PHKA1: variants seen among roughly 807,000 people sequenced by gnomAD.
The protein encoded by PHKA1 is phosphorylase kinase regulatory subunit alpha 1.
PHKA1 carries 60 observed loss-of-function variants against 110.2 expected under a neutral mutation model. The observed-to-expected ratio is 0.54, with a 90% CI of 0.44 to 0.68. The LOEUF (loss-of-function observed/expected upper bound fraction) is 0.68. PHKA1 is among the 30% of genes least tolerant of loss of function. The probability of loss-of-function intolerance (pLI) is 0.00; values close to 1 mark genes in which losing one functional copy is unlikely to be tolerated. For missense variants in PHKA1, 801 were observed against 942.5 expected, an observed-to-expected ratio of 0.85 and a Z score of 1.97; for synonymous variants, 316 against 333.6, an observed-to-expected ratio of 0.95 and a Z score of 0.58.
At chrX:72,685,895 CA>C (rs1365079902) in intron 4 of PHKA1, among the ~76,000 whole-genome samples, 2 of 111,671 alleles carry the variant, frequency 1.8e-5, no homozygotes, top group Non-Finnish European at 3.8e-5. Flanking sequence ...GCATTTGTCA[CA>C]AAAACAGATG....
chrX:72,675,793 T>C (rs1400303645), intron 6 of PHKA1, among the ~76,000 whole-genome samples: 1 of 110,307 alleles, frequency 9.1e-6, no homozygotes, highest in East Asian at 2.8e-4. Context: ...GTTTTTGTAA[T>C]GGTAGAGATG....
chrX:72,650,141 C>T (rs1396272535), intron 13 of PHKA1, among the ~76,000 whole-genome samples: 2 of 111,317 alleles, frequency 1.8e-5, no homozygotes, highest in African/African-American at 6.5e-5. Flanking sequence ...AAATAATTTC[C>T]AGATATAAGG....
chrX:72,614,370 T>A (rs1603255870), intron 21 of PHKA1, among the ~76,000 whole-genome samples: 1 of 111,744 alleles, frequency 8.9e-6, no homozygotes, highest in Non-Finnish European at 1.9e-5. Flanking sequence ...TATTGTACTA[T>A]CCTCACAACT....
At chrX:72,630,999 GTTTTTTTTTTTTT>G (rs146161152) in intron 16 of PHKA1, among the ~76,000 whole-genome samples, 2 of 44,670 alleles carry the variant, frequency 4.5e-5, no homozygotes, top group African/African-American at 2.0e-4. Context: ...ATTTTTTCAG[GTTTTTTTTTTTTT>G]TTTTTTTTTT....
At chrX:72,638,046 AGT>A (rs1393264430) in intron 14 of PHKA1, among the ~76,000 whole-genome samples, 2 of 111,650 alleles carry the variant, frequency 1.8e-5, no homozygotes, top group Non-Finnish European at 3.8e-5. Flanking sequence ...GTTCATTTTT[AGT>A]GTATAAAAAT....
At position 72,605,330 on chromosome X, in the gene PHKA1, C is replaced by T. The variant is rs1349683999; in HGVS notation, c.2756G>A (p.Arg919Gln). 1.7e-6 allele frequency: 2 copies of T among 1,204,974 alleles called. No homozygotes were observed. Among genetic ancestry groups the T allele is most frequent in the Non-Finnish European group, 2.2e-6 (2 of 889,621 alleles). The change falls in exon 25 of 32, where the codon CGA (arginine) becomes CAA (glutamine). Residue 919 changes from arginine (R) to glutamine (Q), a missense_variant. This residue lies in a region of PHKA1 where 502 missense variants were observed against 519.2 expected (regional missense o/e 0.97). Coordinates refer to ENST00000373542, the MANE Select transcript of PHKA1 (RefSeq NM_002637.4). ...CATAACTTGTATGATCAGACCAATT[C>T]GAAGTCGAAACATTTCAGCAAAGAG... ...PGLFAEMFRL[R>Q]IGLIIQVMAT...
intron 21 of PHKA1, among the ~76,000 whole-genome samples, chrX:72,613,840 T>C (rs782480423): frequency 5.7e-4 from 64 of 111,981 alleles, no homozygotes; most frequent in African/African-American, 2.0e-3. Context: ...ACCTTAGTAA[T>C]GTATAATCTG....
chrX:72,655,259 CAAAA>C (rs1556300752), intron 10 of PHKA1, among the ~76,000 whole-genome samples: 3 of 111,448 alleles, frequency 2.7e-5, no homozygotes, highest in Non-Finnish European at 5.7e-5. Flanking sequence ...AACAAACAAA[CAAAA>C]ATAGCTGAAT....
At chrX:72,646,159 C>G (rs1377655372) in intron 13 of PHKA1, among the ~76,000 whole-genome samples, 1 of 111,562 alleles carries the variant, frequency 9.0e-6, no homozygotes, top group Admixed American at 9.5e-5. Context: ...GTTAGAGCAT[C>G]GTGAAGGGCA....
chrX:72,602,290 A>G lies in PHKA1; in HGVS notation c.2918-17T>C. 1 of 995,733 alleles carries G rather than the reference A, an allele frequency of 1.0e-6. No individual in the cohort carries two copies. The highest frequency in any genetic ancestry group is 1.4e-6 in the Non-Finnish European group (1 of 699,224). The allele number at this position is 995,733 out of a possible 1,213,427, so 82.1% of individuals were successfully genotyped here. A position where few individuals can be genotyped will look rare whatever the true frequency, so the allele number is the denominator to read the frequency against. On this transcript the variant is annotated splice_polypyrimidine_tract_variant and intron_variant, in intron 26 of 31. Coordinates refer to ENST00000373542, the MANE Select transcript of PHKA1 (RefSeq NM_002637.4). ...TGGGACGAACTATGTAGTATGAGAG[A>G]TTACAGAGAAAGAGAGAGGATAATA...
At chrX:72,616,818 A>G (rs1481539639) in intron 21 of PHKA1, among the ~76,000 whole-genome samples, 1 of 112,325 alleles carries the variant, frequency 8.9e-6, no homozygotes, top group Non-Finnish European at 1.9e-5. Flanking sequence ...TCTGATCACA[A>G]TGATATAAAA....
At chrX:72,696,477 A>G (rs972609775) in intron 3 of PHKA1, among the ~76,000 whole-genome samples, 1 of 111,362 alleles carries the variant, frequency 9.0e-6, no homozygotes, top group African/African-American at 3.3e-5. Context: ...AGACAGATGC[A>G]TATTCTGATT....
chrX:72,671,887 T>C (rs1427870866), intron 6 of PHKA1, among the ~76,000 whole-genome samples: 6 of 111,896 alleles, frequency 5.4e-5, no homozygotes, highest in Non-Finnish European at 9.4e-5. Flanking sequence ...TAGCCATATG[T>C]AGAAAGCTGA....
intron 6 of PHKA1, among the ~76,000 whole-genome samples, chrX:72,671,643 A>G (rs1773641658): frequency 8.9e-6 from 1 of 111,805 alleles, no homozygotes; most frequent in South Asian, 3.8e-4. Flanking sequence ...ATCCTAAGCC[A>G]AAAGAACAAA....
intron 5 of PHKA1, among the ~76,000 whole-genome samples, chrX:72,682,926 A>G (rs1363201834): frequency 2.1e-5 from 2 of 93,753 alleles, no homozygotes; most frequent in African/African-American, 8.0e-5. Context: ...ATCAATAAAA[A>G]AATAAATTAA....
chrX:72,592,596 C>A (rs1239406461), intron 29 of PHKA1, among the ~76,000 whole-genome samples: 1 of 112,418 alleles, frequency 8.9e-6, no homozygotes, highest in Non-Finnish European at 1.9e-5. Context: ...TATGACTTTG[C>A]ATTTATTTAG....
At chrX:72,652,234 C>A (rs782011270) in intron 12 of PHKA1, among the ~76,000 whole-genome samples, 1 of 111,696 alleles carries the variant, frequency 9.0e-6, no homozygotes, top group South Asian at 3.8e-4. Flanking sequence ...AGCACAAATG[C>A]ATCTGTTAGT....
intron 5 of PHKA1, among the ~76,000 whole-genome samples, chrX:72,678,976 C>T (rs113825296): frequency 1.2e-4 from 13 of 112,203 alleles, no homozygotes; most frequent in African/African-American, 2.3e-4. Context: ...GACAGACTAA[C>T]GGAGAAGAGA....
intron 6 of PHKA1, among the ~76,000 whole-genome samples, chrX:72,671,622 T>G (rs1175969924): frequency 3.6e-5 from 4 of 111,585 alleles, no homozygotes; most frequent in Non-Finnish European, 7.5e-5. Context: ...AGAGCCCGCG[T>G]CGCCAAGTCA....
Sources: allele counts gnomAD v4.1 joint callset (sites outside exome capture counted in the v4.1 genomes callset), GRCh38; gene constraint gnomAD v4.1.1; regional missense constraint gnomAD v4.1.1; transcripts MANE v1.5; gene names NCBI Gene and HGNC (gene_info 2026-07-23, HGNC 2026-07-21).